The following TRIOBP variants were observed in gnomAD, a reference collection of about 807,000 sequenced individuals.
The protein encoded by TRIOBP is TRIO and F-actin-binding protein.
TRIOBP carries 169 observed loss-of-function variants against 238.8 expected under a neutral mutation model. The ratio of observed to expected loss-of-function variants is 0.71; its 90% confidence interval spans 0.62 to 0.80. TRIOBP has a LOEUF of 0.80. Among genes scored for constraint, TRIOBP ranks in the 30% least tolerant of loss-of-function variants. The probability of loss-of-function intolerance (pLI) is 0.00; values close to 1 mark genes in which losing one functional copy is unlikely to be tolerated. For missense variants in TRIOBP, 2,838 were observed against 3,122.6 expected, an observed-to-expected ratio of 0.91 and a Z score of 2.17; for synonymous variants, 1,150 against 1,274.4, an observed-to-expected ratio of 0.90 and a Z score of 2.08.
intron 7 of TRIOBP, among the ~76,000 whole-genome samples, chr22:37,727,632 C>T (rs1924239037): frequency 6.6e-6 from 1 of 152,102 alleles, no homozygotes; most frequent in Non-Finnish European, 1.5e-5. Flanking sequence ...CGTACCACTG[C>T]ACTCCAACCT....
intron 10 of TRIOBP, among the ~76,000 whole-genome samples, chr22:37,740,591 A>C (rs976006747): frequency 6.6e-6 from 1 of 152,202 alleles, no homozygotes; most frequent in Non-Finnish European, 1.5e-5. Flanking sequence ...ATACTCTGAA[A>C]ACACTATGTG....
chr22:37,740,812 A>G (rs1389162916), intron 10 of TRIOBP, 83 bp from the exon 11 acceptor site: 1 of 1,543,894 alleles, frequency 6.5e-7, no homozygotes, highest in Non-Finnish European at 8.8e-7. Flanking sequence ...GGGGCACCAC[A>G]GAATGGGCAG....
At chr22:37,748,072 G>A (rs1260819556) in intron 11 of TRIOBP, among the ~76,000 whole-genome samples, 2 of 152,194 alleles carry the variant, frequency 1.3e-5, no homozygotes, top group East Asian at 3.9e-4. Context: ...GACAGAAACG[G>A]GTGGTCATGT....
intron 6 of TRIOBP, among the ~76,000 whole-genome samples, chr22:37,721,298 C>T (rs964767946): frequency 1.3e-5 from 2 of 152,282 alleles, no homozygotes; most frequent in African/African-American, 4.8e-5. Context: ...CAGGCGTGAG[C>T]CACCGTGCCT....
chr22:37,722,053 C>G (rs1197098031), intron 6 of TRIOBP, among the ~76,000 whole-genome samples: 1 of 152,136 alleles, frequency 6.6e-6, no homozygotes, highest in African/African-American at 2.4e-5. Flanking sequence ...AAATGCAGAT[C>G]CAGAAGCAGT....
chr22:37,763,315 C>T (rs1926331173), intron 17 of TRIOBP, among the ~76,000 whole-genome samples: 1 of 152,210 alleles, frequency 6.6e-6, no homozygotes, highest in East Asian at 1.9e-4. Context: ...TGTTCAGGTT[C>T]ACTCCAAGGC....
chr22:37,713,124 C>A lies in TRIOBP; in HGVS notation c.255-86C>A, dbSNP rs537427482. 11 of 1,267,358 alleles carry A rather than the reference C, an allele frequency of 8.7e-6. 1 individual carries two copies. In the East Asian group the frequency reaches 2.3e-4, roughly 26 times the overall value. The allele number at this position is 1,267,358 out of a possible 1,614,324, so 78.5% of individuals were successfully genotyped here. A position where few individuals can be genotyped will look rare whatever the true frequency, so the allele number is the denominator to read the frequency against. ...CACACCAGCGTGTGGGCCCCAGGCT[C>A]CCTGTGTGAGTGAGTGCATATGCCT... is the stretch of plus-strand genomic sequence containing the variant. On this transcript the variant is annotated intron_variant, in intron 4 of 23. Coordinates refer to ENST00000644935, the MANE Select transcript of TRIOBP (RefSeq NM_001039141.3).
At chr22:37,707,949 A>G (rs1011225904) in intron 3 of TRIOBP, among the ~76,000 whole-genome samples, 8 of 134,944 alleles carry the variant, frequency 5.9e-5, no homozygotes, top group African/African-American at 2.2e-4. Flanking sequence ...CTCAAAAAAA[A>G]GAAAAAAAAA....
chr22:37,702,635 T>C (rs1218301948), intron 3 of TRIOBP, among the ~76,000 whole-genome samples: 1 of 35,796 alleles, frequency 2.8e-5, no homozygotes, highest in Non-Finnish European at 5.9e-5. Context: ...TCTCTCTCTC[T>C]TTTTTTTTTT....
At chr22:37,771,493 T>G (rs1438826131) in intron 21 of TRIOBP, 157 bp from the exon 22 acceptor site, 1 of 669,032 alleles carries the variant, frequency 1.5e-6, no homozygotes, top group Non-Finnish European at 2.7e-6. Context: ...GGAGAGGGCT[T>G]CCTGGAGGAG....
intron 10 of TRIOBP, among the ~76,000 whole-genome samples, chr22:37,739,453 C>T (rs913287362): frequency 2.6e-5 from 4 of 152,160 alleles, no homozygotes; most frequent in African/African-American, 9.7e-5. Context: ...CAAGTAGGGC[C>T]CTGCCGTGAG....
intron 11 of TRIOBP, chr22:37,751,387 C>T (rs745495512): frequency 2.0e-5 from 7 of 357,186 alleles, no homozygotes; most frequent in South Asian, 4.5e-5. Context: ...CTGGACAGTT[C>T]GCGCAGTGCT....
chr22:37,762,829 T>C (rs895328682), intron 17 of TRIOBP, among the ~76,000 whole-genome samples: 5 of 151,986 alleles, frequency 3.3e-5, no homozygotes, highest in African/African-American at 1.2e-4. Context: ...TCGGGCTGAG[T>C]GGGTGCCCTT....
At position 37,725,541 on chromosome 22, in the gene TRIOBP, G is replaced by GT; in HGVS notation, c.2986dup (p.Tyr996LeufsTer13). ...GCACCTCCCGAACTTCCTCACCTGT[G>GT]TACCCCGCTGCCTATGGGGCTCCCC... is the stretch of plus-strand genomic sequence containing the variant. On this transcript the variant is annotated frameshift_variant, in exon 7 of 24. Transcript: ENST00000644935. LOFTEE classifies it high-confidence loss of function. 6.2e-7 allele frequency: 1 copy of GT among 1,613,508 alleles called. No homozygotes were observed. The highest frequency in any genetic ancestry group is 2.2e-5 in the East Asian group (1 of 44,858).
In TRIOBP at chr22:37,725,545, C is replaced by T; in HGVS notation, c.2989C>T (p.Pro997Ser). The T allele has an allele frequency of 6.2e-7, 1 of 1,613,728 alleles. No homozygotes were observed. Among genetic ancestry groups the T allele is most frequent in the Non-Finnish European group, 8.5e-7 (1 of 1,180,000 alleles). Residue 997 changes from proline (P) to serine (S), a missense_variant, in exon 7 of 24, where the codon CCC becomes TCC. Around this residue, in one of 5 missense-constraint regions of TRIOBP, gnomAD observed 2,096 missense variants for 2,137.4 expected, o/e 0.98. Transcript: ENST00000644935. Reference protein sequence around the residue: ...STSRTSSPVYPAAYGAPLTSP... With the variant: ...STSRTSSPVYSAAYGAPLTSP... ...CTCCCGAACTTCCTCACCTGTGTAC[C>T]CCGCTGCCTATGGGGCTCCCCTGAC...
chr22:37,715,718 CT>C, intron 5 of TRIOBP, 44 bp from the exon 6 acceptor site: 1 of 1,601,670 alleles, frequency 6.2e-7, no homozygotes, highest in Non-Finnish European at 8.5e-7. Flanking sequence ...GTCCTGCAGC[CT>C]TTTTTCTCCC....
In TRIOBP at chr22:37,765,824, A is replaced by AC; in HGVS notation, c.6472+10dup. 9 of 1,516,330 alleles carry AC rather than the reference A, an allele frequency of 5.9e-6. No homozygotes were observed. Among genetic ancestry groups the AC allele is most frequent in the Non-Finnish European group, 7.9e-6 (9 of 1,144,540 alleles). 93.9% of individuals were successfully genotyped at this position (1,516,330 alleles called of 1,614,324 possible). A position where few individuals can be genotyped will look rare whatever the true frequency, so the allele number is the denominator to read the frequency against. ...ACGGCAGCCACGGCCTCAGGTATGGACCCTGGGGGGGGCACAGTGGGCTGG... is the reference window on the plus strand; with the variant it reads ...ACGGCAGCCACGGCCTCAGGTATGGACCCCTGGGGGGGGCACAGTGGGCTGG... On this transcript the variant is annotated splice_region_variant and intron_variant, in intron 18 of 23. Transcript: ENST00000644935.
Position 37,723,137 on chromosome 22 carries a change from CT to C in TRIOBP, c.629-47del. ...GACAAAGAAAGGTAGAATATGAGAG[CT>C]GCCTGGACCTCTCCCCTTACCTTGA... On this transcript the variant is annotated intron_variant, in intron 6 of 23. Coordinates refer to ENST00000644935, the MANE Select transcript of TRIOBP (RefSeq NM_001039141.3). 3 of 1,593,576 alleles carry C rather than the reference CT, an allele frequency of 1.9e-6. No individual in the cohort carries two copies. The South Asian group carries it at 3.3e-5, about 18-fold the overall frequency.
intron 3 of TRIOBP, among the ~76,000 whole-genome samples, chr22:37,707,317 C>G (rs894583768): frequency 6.6e-6 from 1 of 152,124 alleles, no homozygotes. Flanking sequence ...CAGAAGATGG[C>G]AACTGCCTCT....
Sources: allele counts gnomAD v4.1 joint callset (sites outside exome capture counted in the v4.1 genomes callset), GRCh38; gene constraint gnomAD v4.1.1; regional missense constraint gnomAD v4.1.1; transcripts MANE v1.5; gene names NCBI Gene and HGNC (gene_info 2026-07-23, HGNC 2026-07-21).